The following NR2C2 variants were observed in gnomAD, a reference collection of about 807,000 sequenced individuals.
NR2C2 encodes the protein Nuclear hormone receptor TR4.
A neutral mutation model predicts 62.9 loss-of-function variants in NR2C2; 6 were observed. The ratio of observed to expected loss-of-function variants is 0.10; its 90% CI spans 0.05 to 0.19. The LOEUF (loss-of-function observed/expected upper bound fraction) is 0.19. Ranked by LOEUF, NR2C2 falls within the 10% of genes least tolerant of loss-of-function variation. The pLI is 1.00. For missense variants in NR2C2, 479 were observed against 762.7 expected (o/e 0.63, Z 4.38); for synonymous variants, 272 against 273.8 (o/e 0.99, Z 0.07).
intron 1 of NR2C2, among the ~76,000 whole-genome samples, chr3:14,976,422 A>G (rs1379211182): frequency 2.0e-5 from 3 of 152,140 alleles, no homozygotes; most frequent in Admixed American, 1.3e-4. Flanking sequence ...ACTATTTTCT[A>G]TTCAAATCAG....
At chr3:14,970,100 A>G (rs924089512) in intron 1 of NR2C2, among the ~76,000 whole-genome samples, 1 of 152,196 alleles carries the variant, frequency 6.6e-6, no homozygotes, top group East Asian at 1.9e-4. Context: ...TATTAGGCTT[A>G]AAGCAGAAAA....
At chr3:14,964,588 C>T (rs1217908063) in intron 1 of NR2C2, among the ~76,000 whole-genome samples, 1 of 151,796 alleles carries the variant, frequency 6.6e-6, no homozygotes, top group Non-Finnish European at 1.5e-5. Flanking sequence ...GATCTCGGCT[C>T]ACTGCAAGCT....
intron 1 of NR2C2, among the ~76,000 whole-genome samples, chr3:14,992,182 A>G (rs2040691672): frequency 6.6e-6 from 1 of 151,528 alleles, no homozygotes. Context: ...AACAACAAAA[A>G]CAACAACAAC....
In NR2C2 at chr3:15,024,094, G is replaced by T. The variant is rs367955638; in HGVS notation, c.705-21G>T. On this transcript the variant is annotated intron_variant, in intron 6 of 13. Transcript: ENST00000425241. ...CATAAAATGTTGGAAGCTACTCTGA[G>T]TTTCTTTATGTCTTAAATAGACAAA... 5.7e-6 allele frequency: 9 copies of T among 1,566,102 alleles called. No individual in the cohort carries two copies. In the African/African-American group the frequency reaches 1.1e-4, roughly 19 times the overall value.
intron 7 of NR2C2, chr3:15,026,593 A>G (rs2041827456): frequency 6.6e-6 from 1 of 152,112 alleles, no homozygotes; most frequent in African/African-American, 2.4e-5. Flanking sequence ...ATCATACAAT[A>G]TATGGTCTTT....
At chr3:14,962,011 C>T (rs1382922703) in intron 1 of NR2C2, among the ~76,000 whole-genome samples, 2 of 152,180 alleles carry the variant, frequency 1.3e-5, no homozygotes, top group Non-Finnish European at 2.9e-5. Context: ...ATCTAGGGCT[C>T]TATCCAGAGT....
At chr3:15,023,595 A>T (rs954750413) in intron 6 of NR2C2, among the ~76,000 whole-genome samples, 1 of 152,238 alleles carries the variant, frequency 6.6e-6, no homozygotes, top group African/African-American at 2.4e-5. Context: ...TTTAGGCATC[A>T]TTCATACGGA....
intron 1 of NR2C2, among the ~76,000 whole-genome samples, chr3:14,981,008 T>C (rs1284390224): frequency 1.3e-5 from 2 of 152,212 alleles, no homozygotes; most frequent in African/African-American, 2.4e-5. Flanking sequence ...ATCAGACTGA[T>C]TTCTACTGTT....
At chr3:15,002,071 A>T (rs1435103776) in intron 1 of NR2C2, among the ~76,000 whole-genome samples, 1 of 152,056 alleles carries the variant, frequency 6.6e-6, no homozygotes, top group East Asian at 1.9e-4. Flanking sequence ...GAATGTTTTT[A>T]TTCTTTTTCT....
At chr3:15,020,663 T>G in intron 4 of NR2C2, 90 bp from the exon 5 acceptor site, 11 of 1,466,424 alleles carry the variant, frequency 7.5e-6, no homozygotes, top group Middle Eastern at 1.9e-4. Flanking sequence ...ATCACTTCAA[T>G]GAGACTTGCA....
At chr3:15,042,636 C>A (rs1031917990) in intron 13 of NR2C2, 198 bp from the exon 14 acceptor site, 1 of 555,784 alleles carries the variant, frequency 1.8e-6, no homozygotes. Context: ...TCTGTACATA[C>A]ATTTTGTACT....
At chr3:14,968,284 A>G (rs550786773) in intron 1 of NR2C2, among the ~76,000 whole-genome samples, 1 of 152,318 alleles carries the variant, frequency 6.6e-6, no homozygotes, top group East Asian at 1.9e-4. Flanking sequence ...ACTCAAAGAA[A>G]TTTACAAGAA....
At chr3:15,024,070 A>C (rs767622562) in intron 6 of NR2C2, 45 bp from the exon 7 acceptor site, 1 of 1,295,280 alleles carries the variant, frequency 7.7e-7, no homozygotes, top group South Asian at 1.2e-5. Flanking sequence ...CATACTGTGC[A>C]TAAAATGTTG....
Position 15,045,195 on chromosome 3 carries a change from C to T in NR2C2, c.*2187C>T, listed in dbSNP as rs539671428. The T allele has an allele frequency of 6.6e-6, 1 of 152,180 alleles. No homozygotes were observed. The highest frequency in any genetic ancestry group is 6.5e-5 in the Admixed American group (1 of 15,280). The allele number at this position is 152,180 out of a possible 1,614,324, so 9.4% of individuals were successfully genotyped here. A position where few individuals can be genotyped will look rare whatever the true frequency, so the allele number is the denominator to read the frequency against. On this transcript the variant is annotated 3_prime_UTR_variant, in exon 14 of 14. Coordinates refer to ENST00000425241, the MANE Select transcript of NR2C2 (RefSeq NM_001291694.2). ...TCTAACACAGATTGTTGCCTGCCTT[C>T]CGTCGTTTTGATCCTTGAGAGTGAC... is the stretch of plus-strand genomic sequence containing the variant.
intron 1 of NR2C2, among the ~76,000 whole-genome samples, chr3:15,000,700 T>C (rs773541211): frequency 3.3e-5 from 5 of 152,184 alleles, no homozygotes; most frequent in Non-Finnish European, 5.9e-5. Context: ...TTTGTCAATT[T>C]ATGCAAAAAA....
intron 1 of NR2C2, among the ~76,000 whole-genome samples, chr3:14,957,920 C>T (rs1167610421): frequency 7.0e-5 from 1 of 14,318 alleles, no homozygotes; most frequent in African/African-American, 6.7e-4. Flanking sequence ...AATAATTCCA[C>T]ACCACATTGC....
chr3:14,979,423 G>C (rs555125536), intron 1 of NR2C2, among the ~76,000 whole-genome samples: 1 of 152,078 alleles, frequency 6.6e-6, no homozygotes, highest in Admixed American at 6.6e-5. Context: ...TATTCTGTTC[G>C]CATGAAGCTT....
rs2041465759 is a variant in NR2C2, at chr3:15,014,946, A to G, written c.273+1157A>G. On this transcript the variant is annotated intron_variant, in intron 3 of 13. Transcript: ENST00000425241. ...CTGTTTTGGGTGGGGAGGTTCTACT[A>G]TGAAGAAACTTAAAGAAGGGAAGAC... is the stretch of plus-strand genomic sequence containing the variant. Among the ~76,000 whole-genome samples the G allele has an allele frequency of 2.0e-5, 3 of 152,340 alleles. No homozygotes were observed. The South Asian group carries it at 6.2e-4, about 32-fold the overall frequency.
intron 10 of NR2C2, chr3:15,034,451 T>A: frequency 2.1e-6 from 1 of 478,608 alleles, no homozygotes. Context: ...GAATGTTTTT[T>A]AAGAGAATAG....
Sources: gnomAD v4.1 joint callset for allele counts (sites outside exome capture counted in the v4.1 genomes callset) on GRCh38, gnomAD v4.1.1 for gene constraint, MANE v1.5 for transcripts, NCBI Gene and HGNC (gene_info 2026-07-23, HGNC 2026-07-21) for gene names.